The following COX7B2 variants were observed in gnomAD, a reference collection of about 807,000 sequenced individuals.
COX7B2 encodes the protein cytochrome c oxidase subunit 7B2.
For synonymous variants in COX7B2, 37 were observed against 32.1 expected, an observed-to-expected ratio of 1.15 and a Z score of -0.51; for missense variants, 109 against 95.9, an observed-to-expected ratio of 1.14 and a Z score of -0.57.
At chr4:46,774,596 G>C (rs2109529221) in intron 2 of COX7B2, among the ~76,000 whole-genome samples, 1 of 152,012 alleles carries the variant, frequency 6.6e-6, no homozygotes, top group East Asian at 1.9e-4. Context: ...CCATTTGTTG[G>C]TACTGATGGC....
intron 2 of COX7B2, among the ~76,000 whole-genome samples, chr4:46,813,750 G>C (rs1363003381): frequency 6.6e-6 from 1 of 152,036 alleles, no homozygotes; most frequent in Non-Finnish European, 1.5e-5. Context: ...ACAGAGTAAA[G>C]AGACAACTTG....
Position 46,734,959 on chromosome 4 carries a change from C to T in COX7B2, c.234G>A (p.Trp78Ter), listed in dbSNP as rs1714266127. Residue 78 changes from tryptophan to a stop codon, truncating the protein, a stop_gained, in exon 3 of 3, where the codon TGG becomes TGA. Coordinates refer to ENST00000355591, the MANE Select transcript of COX7B2 (RefSeq NM_130902.3). LOFTEE classifies it high-confidence loss of function. ...GCAACTGTGATGGTTACTGATGTTT[C>T]CACTCTTTTGGGGTAACTCTGCCAA... ...SPVGRVTPKE[W>*]KHQ 1.2e-6 allele frequency: 2 copies of T among 1,613,762 alleles called. No individual in the cohort carries two copies. Among genetic ancestry groups the T allele is most frequent in the Admixed American group, 1.7e-5 (1 of 59,950 alleles).
intron 2 of COX7B2, among the ~76,000 whole-genome samples, chr4:46,736,061 CCTGATATTGTA>C (rs1465337813): frequency 3.2e-4 from 48 of 152,254 alleles, no homozygotes; most frequent in African/African-American, 1.1e-3. Flanking sequence ...AAGGTTCACT[CCTGATATTGTA>C]CATTCTATAG....
At chr4:46,795,343 T>G (rs1718267143) in intron 2 of COX7B2, among the ~76,000 whole-genome samples, 1 of 72,254 alleles carries the variant, frequency 1.4e-5, no homozygotes, top group Non-Finnish European at 2.5e-5. Context: ...GTTTAACGTT[T>G]AAATCTTTAA....
At chr4:46,856,378 C>A (rs1278086138) in intron 1 of COX7B2, among the ~76,000 whole-genome samples, 1 of 152,214 alleles carries the variant, frequency 6.6e-6, no homozygotes, top group Non-Finnish European at 1.5e-5. Flanking sequence ...TCAGCAAATT[C>A]AGTCCTGCTT....
At chr4:46,864,915 G>A (rs1218344873) in intron 1 of COX7B2, among the ~76,000 whole-genome samples, 1 of 152,086 alleles carries the variant, frequency 6.6e-6, no homozygotes, top group African/African-American at 2.4e-5. Flanking sequence ...AAGTGCTGGG[G>A]TTACAGGCGT....
chr4:46,751,235 C>T (rs545015401), intron 2 of COX7B2, among the ~76,000 whole-genome samples: 44 of 152,124 alleles, frequency 2.9e-4, no homozygotes, highest in Middle Eastern at 3.4e-3. Context: ...TTTACACTCT[C>T]TCATCTACTG....
At chr4:46,762,460 A>G (rs1459440754) in intron 2 of COX7B2, among the ~76,000 whole-genome samples, 1 of 137,804 alleles carries the variant, frequency 7.3e-6, no homozygotes, top group Non-Finnish European at 1.5e-5. Flanking sequence ...TACTATATAT[A>G]GTATATGTAC....
intron 1 of COX7B2, among the ~76,000 whole-genome samples, chr4:46,854,907 C>CA (rs1307359698): frequency 6.6e-6 from 1 of 152,020 alleles, no homozygotes; most frequent in Non-Finnish European, 1.5e-5. Flanking sequence ...ATATAAACAT[C>CA]AAAAGCTAAG....
At chr4:46,827,912 C>A (rs1714805612) in intron 2 of COX7B2, among the ~76,000 whole-genome samples, 1 of 152,098 alleles carries the variant, frequency 6.6e-6, no homozygotes, top group African/African-American at 2.4e-5. Flanking sequence ...AAACAGATCA[C>A]TGGTTGCCTG....
intron 2 of COX7B2, among the ~76,000 whole-genome samples, chr4:46,772,107 T>C (rs775429785): frequency 6.6e-6 from 1 of 152,056 alleles, no homozygotes; most frequent in Admixed American, 6.6e-5. Context: ...TGGAATATTA[T>C]TGAGCCAAAA....
rs534393310 is a variant in COX7B2, at chr4:46,808,897, G to A, written c.-50+36063C>T. 2.6e-4 allele frequency among the ~76,000 whole-genome samples: 40 copies of A among 151,808 alleles called. 1 individual carries two copies. The South Asian group carries it at 6.8e-3, about 26-fold the overall frequency. ...CCAGGGATAAATCTCATTCTGTCAC[G>A]ATCTTTTTGATGTGTTGCTGGATTT... On this transcript the variant is annotated intron_variant, in intron 2 of 2. Coordinates refer to ENST00000355591, the MANE Select transcript of COX7B2 (RefSeq NM_130902.3).
At chr4:46,761,608 A>G (rs1412169425) in intron 2 of COX7B2, among the ~76,000 whole-genome samples, 1 of 152,096 alleles carries the variant, frequency 6.6e-6, no homozygotes, top group Non-Finnish European at 1.5e-5. Flanking sequence ...AAATTCTTTT[A>G]CTATTTTATG....
intron 2 of COX7B2, among the ~76,000 whole-genome samples, chr4:46,759,802 A>G (rs1400761944): frequency 8.1e-6 from 1 of 123,366 alleles, no homozygotes; most frequent in Non-Finnish European, 1.7e-5. Context: ...TATATAAGTC[A>G]TATCTTATAT....
At chr4:46,816,374 C>A (rs1350528662) in intron 2 of COX7B2, among the ~76,000 whole-genome samples, 2 of 152,162 alleles carry the variant, frequency 1.3e-5, no homozygotes, top group Non-Finnish European at 2.9e-5. Flanking sequence ...TATCTTCTAT[C>A]TCTAATGGCC....
chr4:46,866,177 T>C (rs1717651533), intron 1 of COX7B2, among the ~76,000 whole-genome samples: 1 of 152,142 alleles, frequency 6.6e-6, no homozygotes, highest in Non-Finnish European at 1.5e-5. Flanking sequence ...GGCCAATACA[T>C]GCAAAGAAAA....
chr4:46,906,975 A>C (rs1431373263), intron 1 of COX7B2, among the ~76,000 whole-genome samples: 1 of 152,186 alleles, frequency 6.6e-6, no homozygotes, highest in Middle Eastern at 3.2e-3. Flanking sequence ...CCACCTAATG[A>C]CACTTTGTAA....
At chr4:46,856,639 A>T (rs1034293851) in intron 1 of COX7B2, among the ~76,000 whole-genome samples, 5 of 152,116 alleles carry the variant, frequency 3.3e-5, no homozygotes, top group Admixed American at 3.3e-4. Flanking sequence ...CCAAATAGAA[A>T]CTACAGTTTT....
At chr4:46,828,463 C>T (rs553280852) in intron 2 of COX7B2, among the ~76,000 whole-genome samples, 17 of 152,098 alleles carry the variant, frequency 1.1e-4, no homozygotes, top group African/African-American at 3.6e-4. Context: ...GTTTTGCTGA[C>T]GGACTTAGAA....
Sources: allele counts gnomAD v4.1 joint callset (sites outside exome capture counted in the v4.1 genomes callset), GRCh38; gene constraint gnomAD v4.1.1; transcripts MANE v1.5; gene names NCBI Gene and HGNC (gene_info 2026-07-23, HGNC 2026-07-21).